The following MAD1L1 variants were observed in gnomAD, a reference collection of about 807,000 sequenced individuals.
MAD1L1 encodes the protein mitotic arrest deficient 1 like 1.
A neutral mutation model predicts 96.9 loss-of-function variants in MAD1L1; 95 were observed. The observed-to-expected ratio is 0.98, with a 90% CI of 0.83 to 1.16. MAD1L1 has a LOEUF of 1.16. Ranked by LOEUF, MAD1L1 falls within the 50% of genes most tolerant of loss-of-function variation. MAD1L1 has a pLI of 0.00. For synonymous variants in MAD1L1, 473 were observed against 396.6 expected (o/e 1.19, Z -2.29); for missense variants, 1,007 against 954.4 (o/e 1.06, Z -0.73).
intron 18 of MAD1L1, among the ~76,000 whole-genome samples, chr7:1,877,416 A>C (rs1320560872): frequency 6.6e-6 from 1 of 151,278 alleles, no homozygotes; most frequent in African/African-American, 2.4e-5. Flanking sequence ...GAAGAAAACC[A>C]AAGAGGTATA....
chr7:1,974,698 C>T (rs1378434495), intron 15 of MAD1L1, among the ~76,000 whole-genome samples: 1 of 152,202 alleles, frequency 6.6e-6, no homozygotes, highest in Non-Finnish European at 1.5e-5. Flanking sequence ...AAAGAAGACA[C>T]AGAAAACAGA....
At chr7:1,894,786 T>G (rs544166128) in intron 18 of MAD1L1, among the ~76,000 whole-genome samples, 59 of 120,732 alleles carry the variant, frequency 4.9e-4, no homozygotes, top group African/African-American at 8.2e-4. Flanking sequence ...GGAGGAGGAG[T>G]GGGAGAGGGA....
At chr7:2,012,347 G>A (rs977402378) in intron 13 of MAD1L1, among the ~76,000 whole-genome samples, 2 of 152,360 alleles carry the variant, frequency 1.3e-5, no homozygotes, top group South Asian at 2.1e-4. Context: ...ATCGCTCAAC[G>A]TGGAAAACGC....
rs867340101 is a variant in MAD1L1 at position 1,917,423 on chromosome 7, G to A, written c.1808-19033C>T. 2.6e-5 allele frequency among the ~76,000 whole-genome samples: 4 copies of A among 152,252 alleles called. No homozygotes were observed. In the South Asian group the frequency reaches 8.3e-4, roughly 32 times the overall value. On this transcript the variant is annotated intron_variant, in intron 17 of 18. Transcript: ENST00000265854. Reference sequence around the variant, plus strand: ...GGCTGGGTGCCCACCCCGGGTGAAGGGCGCACCTCCCCTCCAGACAGCCAG... The same window carrying A: ...GGCTGGGTGCCCACCCCGGGTGAAGAGCGCACCTCCCCTCCAGACAGCCAG...
intron 18 of MAD1L1, among the ~76,000 whole-genome samples, chr7:1,868,959 C>T (rs866552215): frequency 2.6e-5 from 4 of 152,202 alleles, no homozygotes; most frequent in African/African-American, 9.7e-5. Context: ...AAAGCTAGCC[C>T]GGCACAGCCC....
At chr7:2,154,150 A>G (rs1789710728) in intron 10 of MAD1L1, among the ~76,000 whole-genome samples, 1 of 152,186 alleles carries the variant, frequency 6.6e-6, no homozygotes, top group Non-Finnish European at 1.5e-5. Flanking sequence ...GCAAGACTCC[A>G]TCTCAAAAAA....
At chr7:2,069,992 C>T (rs780461501) in intron 11 of MAD1L1, among the ~76,000 whole-genome samples, 4 of 150,282 alleles carry the variant, frequency 2.7e-5, no homozygotes, top group Admixed American at 6.6e-5. Flanking sequence ...CCACAATAGC[C>T]TCCCAACGGC....
intron 12 of MAD1L1, among the ~76,000 whole-genome samples, chr7:2,018,081 G>C (rs970222045): frequency 6.6e-6 from 1 of 152,178 alleles, no homozygotes; most frequent in African/African-American, 2.4e-5. Flanking sequence ...AGGCACCGCA[G>C]TGGGCAGAGA....
At chr7:2,029,489 C>G (rs1437109719) in intron 12 of MAD1L1, among the ~76,000 whole-genome samples, 1 of 152,158 alleles carries the variant, frequency 6.6e-6, no homozygotes, top group Non-Finnish European at 1.5e-5. Context: ...GGACTGATTT[C>G]ATCATAGCCC....
At chr7:2,092,101 C>T (rs1442340140) in intron 11 of MAD1L1, among the ~76,000 whole-genome samples, 1 of 152,178 alleles carries the variant, frequency 6.6e-6, no homozygotes, top group African/African-American at 2.4e-5. Flanking sequence ...TGCACTCCTC[C>T]CAGCAGTGCG....
chr7:2,230,929 A>T (rs539810784), intron 1 of MAD1L1, among the ~76,000 whole-genome samples: 196 of 152,250 alleles, frequency 1.3e-3, no homozygotes, highest in African/African-American at 4.5e-3. Context: ...CACACCCAAA[A>T]CCAAAAATGA....
At chr7:2,082,430 A>G (rs1185578696) in intron 11 of MAD1L1, among the ~76,000 whole-genome samples, 1 of 152,092 alleles carries the variant, frequency 6.6e-6, no homozygotes, top group East Asian at 1.9e-4. Flanking sequence ...AGAGGGAAGG[A>G]GCCGGGCCTG....
At chr7:2,022,557 G>GAAAAAAAAAAATTCTGTGCTAACAGAAGA (rs60897368) in intron 12 of MAD1L1, among the ~76,000 whole-genome samples, 1 of 148,938 alleles carries the variant, frequency 6.7e-6, no homozygotes, top group Non-Finnish European at 1.5e-5. Context: ...GTCTCCAAAA[G>GAAAAAAAAAAATTCTGTGCTAACAGAAGA]AAAAAAAAAA....
Position 1,816,656 on chromosome 7 carries a change from C to T in MAD1L1, c.1999-428G>A, listed in dbSNP as rs1302159357. On this transcript the variant is annotated intron_variant, in intron 18 of 18. Transcript: ENST00000265854. ...CCATGACCTAGTTTCCCCACTTGTGCAGGGGGGCGCTGGGGGCCCAGGGGG... is the reference window on the plus strand; with the variant it reads ...CCATGACCTAGTTTCCCCACTTGTGTAGGGGGGCGCTGGGGGCCCAGGGGG... Among the ~76,000 whole-genome samples, 4 of 152,090 alleles carry T rather than the reference C, an allele frequency of 2.6e-5. No individual in the cohort carries two copies. In the South Asian group the frequency reaches 8.3e-4, roughly 32 times the overall value.
At chr7:2,222,211 CTGGG>C (rs906435754) in intron 5 of MAD1L1, among the ~76,000 whole-genome samples, 46 of 151,930 alleles carry the variant, frequency 3.0e-4, no homozygotes, top group Non-Finnish European at 1.0e-4. Context: ...GTCCCACAGG[CTGGG>C]ACTACAGGTG....
At chr7:2,150,114 G>C (rs953261660) in intron 10 of MAD1L1, among the ~76,000 whole-genome samples, 1 of 152,142 alleles carries the variant, frequency 6.6e-6, no homozygotes, top group Non-Finnish European at 1.5e-5. Context: ...CAGGGAGCCC[G>C]CACCGCACCA....
At chr7:2,182,962 C>T (rs1196319999) in intron 10 of MAD1L1, among the ~76,000 whole-genome samples, 1 of 152,046 alleles carries the variant, frequency 6.6e-6, no homozygotes, top group African/African-American at 2.4e-5. Context: ...GTGGCTCACG[C>T]TTATAATCCC....
In MAD1L1 at chr7:2,216,149, C is replaced by A; in HGVS notation, c.809+8G>T. The stretch of plus-strand genomic sequence containing the variant: ...GAGGCGGCTGCCCCATCCCCCGCAA[C>A]CCCTCACCGCAGGTGCGCGCTCTCC... On this transcript the variant is annotated splice_region_variant and intron_variant, in intron 8 of 18. Coordinates refer to ENST00000265854, the MANE Select transcript of MAD1L1 (RefSeq NM_001013836.2). 1 of 1,611,774 alleles carries A rather than the reference C, an allele frequency of 6.2e-7. No individual in the cohort carries two copies. Among genetic ancestry groups the A allele is most frequent in the Non-Finnish European group, 8.5e-7 (1 of 1,179,418 alleles).
intron 17 of MAD1L1, among the ~76,000 whole-genome samples, chr7:1,905,496 G>C (rs188339358): frequency 6.7e-6 from 1 of 149,264 alleles, no homozygotes; most frequent in Non-Finnish European, 1.5e-5. Flanking sequence ...ACTCATGATT[G>C]ATGAAGCACT....
Sources: allele counts gnomAD v4.1 joint callset (sites outside exome capture counted in the v4.1 genomes callset), GRCh38; gene constraint gnomAD v4.1.1; transcripts MANE v1.5; gene names NCBI Gene and HGNC (gene_info 2026-07-23, HGNC 2026-07-21).